The following IREB2 variants were observed in gnomAD, a reference collection of about 807,000 sequenced individuals.
IREB2 encodes the protein iron-responsive element-binding protein 2.
Under a neutral mutation model 118.8 loss-of-function variants are expected in IREB2, and 39 were observed. The observed-to-expected ratio is 0.33, with a 90% CI of 0.25 to 0.43. The LOEUF (loss-of-function observed/expected upper bound fraction) is 0.43. Ranked by LOEUF, IREB2 falls within the 20% of genes least tolerant of loss-of-function variation. The pLI, the probability that IREB2 is intolerant of heterozygous loss-of-function variation, is 1.00. For missense variants in IREB2, 900 were observed against 1,147.3 expected, an observed-to-expected ratio of 0.78 and a Z score of 3.11; for synonymous variants, 372 against 392.2, an observed-to-expected ratio of 0.95 and a Z score of 0.61.
intron 20 of IREB2, 48 bp from the exon 21 acceptor site, chr15:78,497,078 A>G (rs763327731): frequency 6.7e-7 from 1 of 1,487,214 alleles, no homozygotes; most frequent in East Asian, 2.3e-5. Flanking sequence ...TGCTCAATAA[A>G]TAACTTTCAG....
chr15:78,462,854 A>G (rs757482851), intron 2 of IREB2, 68 bp from the exon 3 acceptor site: 31 of 1,230,456 alleles, frequency 2.5e-5, no homozygotes, highest in Middle Eastern at 2.0e-4. Context: ...ACTTTTTGCT[A>G]TGGCATTTTA....
At position 78,473,267 on chromosome 15, in the gene IREB2, A is replaced by G. The variant is rs2051409224; in HGVS notation, c.909A>G (p.Ala303=). 4 of 1,613,990 alleles carry G rather than the reference A, an allele frequency of 2.5e-6. No individual in the cohort carries two copies. Among genetic ancestry groups the G allele is most frequent in the Admixed American group, 3.3e-5 (2 of 60,010 alleles). The change falls in exon 8 of 22, where the codon GCA becomes GCG. Residue 303 remains alanine, a synonymous_variant. Coordinates refer to ENST00000258886, the MANE Select transcript of IREB2 (RefSeq NM_004136.4). ...GWGVGGIETE[A]VMLGLPVSLT... Reference sequence around the variant, plus strand: ...GGGTTGGAGGCATTGAAACAGAAGCAGTTATGCTTGGTCTGCCAGTTTCTC... The same window carrying G: ...GGGTTGGAGGCATTGAAACAGAAGCGGTTATGCTTGGTCTGCCAGTTTCTC...
chr15:78,450,716 G>A (rs543353296), intron 2 of IREB2, among the ~76,000 whole-genome samples: 2 of 152,174 alleles, frequency 1.3e-5, no homozygotes, highest in Non-Finnish European at 2.9e-5. Context: ...CCTTCTTTAC[G>A]GGGGTGCCTC....
intron 18 of IREB2, among the ~76,000 whole-genome samples, chr15:78,492,263 T>C (rs1365869536): frequency 1.3e-5 from 2 of 152,192 alleles, no homozygotes; most frequent in South Asian, 2.1e-4. Flanking sequence ...CGCACCCAGA[T>C]TATGATTTCT....
At chr15:78,461,199 C>G (rs76701639) in intron 2 of IREB2, among the ~76,000 whole-genome samples, 2,007 of 152,292 alleles carry the variant, frequency 0.013, 64 homozygotes, top group African/African-American at 0.045. Context: ...CTCACTATCT[C>G]TGCTTTTTAT....
intron 1 of IREB2, 68 bp from the exon 2 acceptor site, chr15:78,439,727 T>C: frequency 2.4e-6 from 2 of 850,990 alleles, no homozygotes; most frequent in Non-Finnish European, 3.8e-6. Context: ...AAAGCTAGTT[T>C]CCAGGTATTT....
chr15:78,475,494 G>A (rs1017417184), intron 8 of IREB2: 8 of 152,118 alleles, frequency 5.3e-5, no homozygotes, highest in Admixed American at 3.3e-4. Flanking sequence ...AGTTTCATCA[G>A]TCTATTAGTA....
At chr15:78,497,061 C>T in intron 20 of IREB2, 65 bp from the exon 21 acceptor site, 1 of 1,337,782 alleles carries the variant, frequency 7.5e-7, no homozygotes, top group Non-Finnish European at 1.1e-6. Context: ...TTTTTGCCCC[C>T]TTTAAATGCT....
intron 5 of IREB2, among the ~76,000 whole-genome samples, chr15:78,469,376 C>T (rs1304828864): frequency 6.6e-6 from 1 of 151,812 alleles, no homozygotes; most frequent in Non-Finnish European, 1.5e-5. Flanking sequence ...ATATGCTTGG[C>T]TTCAAAAGAT....
intron 2 of IREB2, among the ~76,000 whole-genome samples, chr15:78,462,116 T>C (rs1017326237): frequency 8.5e-5 from 13 of 152,294 alleles, no homozygotes; most frequent in African/African-American, 2.9e-4. Flanking sequence ...CTCTCTTTCT[T>C]ACAGGAAAGT....
At chr15:78,454,053 A>T (rs998363234) in intron 2 of IREB2, among the ~76,000 whole-genome samples, 1 of 152,238 alleles carries the variant, frequency 6.6e-6, no homozygotes, top group African/African-American at 2.4e-5. Context: ...GTTGGGGAGG[A>T]TATGGAGAAA....
chr15:78,485,582 C>A, intron 12 of IREB2, 123 bp from the exon 13 acceptor site: 1 of 981,942 alleles, frequency 1.0e-6, no homozygotes, highest in Middle Eastern at 2.2e-4. Flanking sequence ...AAAATAATGA[C>A]AGTAAGTTTA....
At chr15:78,495,599 C>A (rs1025607485) in intron 20 of IREB2, among the ~76,000 whole-genome samples, 2 of 152,106 alleles carry the variant, frequency 1.3e-5, no homozygotes, top group African/African-American at 2.4e-5. Context: ...TCTACTTAGT[C>A]CCCTGTTTTC....
chr15:78,496,362 C>T (rs1310568935), intron 20 of IREB2, among the ~76,000 whole-genome samples: 1 of 152,068 alleles, frequency 6.6e-6, no homozygotes, highest in African/African-American at 2.4e-5. Flanking sequence ...CCACTTACAA[C>T]CTCAAGTGAC....
chr15:78,447,626 C>T (rs117267645), intron 2 of IREB2, among the ~76,000 whole-genome samples: 6,844 of 152,130 alleles, frequency 0.045, 217 homozygotes, highest in Non-Finnish European at 0.073. Flanking sequence ...CCACCACTCC[C>T]GCTCTGATTT....
intron 2 of IREB2, among the ~76,000 whole-genome samples, chr15:78,454,964 A>G (rs969593542): frequency 6.6e-6 from 1 of 152,156 alleles, no homozygotes; most frequent in Non-Finnish European, 1.5e-5. Flanking sequence ...TGCTGGGATT[A>G]CAGGCATGAG....
intron 10 of IREB2, 149 bp downstream of exon 10, chr15:78,478,546 A>T: frequency 3.7e-6 from 2 of 546,580 alleles, no homozygotes; most frequent in Non-Finnish European, 6.6e-6. Context: ...CTGCAAAAAA[A>T]CTACAAACAT....
intron 10 of IREB2, among the ~76,000 whole-genome samples, chr15:78,481,522 ATTTTT>A (rs145058390): frequency 1.4e-5 from 2 of 137,988 alleles, no homozygotes; most frequent in African/African-American, 2.7e-5. Context: ...CACCTCGCTA[ATTTTT>A]TTTTTTTTTT....
At chr15:78,496,037 C>T (rs2051832537) in intron 20 of IREB2, among the ~76,000 whole-genome samples, 1 of 152,154 alleles carries the variant, frequency 6.6e-6, no homozygotes, top group Non-Finnish European at 1.5e-5. Flanking sequence ...CCTGTGTCCA[C>T]GAGTATTCTG....
Sources: gnomAD v4.1 joint callset for allele counts (sites outside exome capture counted in the v4.1 genomes callset) on GRCh38, gnomAD v4.1.1 for gene constraint, MANE v1.5 for transcripts, NCBI Gene and HGNC (gene_info 2026-07-23, HGNC 2026-07-21) for gene names.